CPNE8: variants seen among roughly 807,000 people sequenced by gnomAD.
CPNE8 encodes the protein copine-8.
In CPNE8, 45 loss-of-function variants were observed where a neutral mutation model predicts 81.5. The ratio of observed to expected loss-of-function variants is 0.55; its 90% CI spans 0.44 to 0.71. The LOEUF is 0.71. Ranked by LOEUF, CPNE8 falls within the 30% of genes least tolerant of loss-of-function variation. The pLI is 0.00. For synonymous variants in CPNE8, 252 were observed against 226.3 expected (o/e 1.11, Z -1.02); for missense variants, 594 against 672.1 (o/e 0.88, Z 1.28).
At position 38,762,117 on chromosome 12, in the gene CPNE8, A is replaced by G. The variant is rs761761318; in HGVS notation, c.675T>C (p.Tyr225=). ...ISVRALCNGD[Y]DRTIKVEVYD... ...GAATAAACTATCCTTCTTACCTGTCATAGTCTCCATTACATAATGCTCTGA... is the reference window on the plus strand; with the variant it reads ...GAATAAACTATCCTTCTTACCTGTCGTAGTCTCCATTACATAATGCTCTGA... Residue 225 remains tyrosine (Y), a synonymous_variant, in exon 9 of 20, where the codon TAT becomes TAC. Coordinates refer to ENST00000331366, the MANE Select transcript of CPNE8 (RefSeq NM_153634.3). 4 of 1,493,922 alleles carry G rather than the reference A, an allele frequency of 2.7e-6. No individual in the cohort carries two copies. The highest frequency in any genetic ancestry group is 1.3e-5 in the South Asian group (1 of 75,296). The allele number at this position is 1,493,922 out of a possible 1,614,324, so 92.5% of individuals were successfully genotyped here.
At chr12:38,673,759 A>C (rs1244290643) in intron 18 of CPNE8, among the ~76,000 whole-genome samples, 3 of 152,004 alleles carry the variant, frequency 2.0e-5, no homozygotes, top group African/African-American at 7.2e-5. Context: ...ACCTTTCTGC[A>C]TGGAAAGAGG....
intron 13 of CPNE8, among the ~76,000 whole-genome samples, chr12:38,703,179 T>C (rs1356806957): frequency 6.6e-6 from 1 of 152,150 alleles, no homozygotes; most frequent in African/African-American, 2.4e-5. Flanking sequence ...GTAGTTCCTA[T>C]TTTGGAGTAA....
chr12:38,793,380 A>G (rs1291214096), intron 6 of CPNE8, among the ~76,000 whole-genome samples: 5 of 151,740 alleles, frequency 3.3e-5, no homozygotes, highest in Non-Finnish European at 5.9e-5. Flanking sequence ...AACAAATTCA[A>G]ATTTGCAGGA....
At chr12:38,783,079 A>T (rs953193258) in intron 6 of CPNE8, among the ~76,000 whole-genome samples, 1 of 152,214 alleles carries the variant, frequency 6.6e-6, no homozygotes, top group African/African-American at 2.4e-5. Context: ...GTATTCTTAC[A>T]TTTTGAGAGA....
chr12:38,791,613 C>T (rs911959967), intron 6 of CPNE8, among the ~76,000 whole-genome samples: 7 of 151,386 alleles, frequency 4.6e-5, no homozygotes, highest in Admixed American at 4.0e-4. Context: ...AATGTGTTAA[C>T]AAAAGATAAT....
intron 6 of CPNE8, among the ~76,000 whole-genome samples, chr12:38,800,139 C>G (rs1256010772): frequency 8.2e-6 from 1 of 122,004 alleles, no homozygotes; most frequent in Admixed American, 8.9e-5. Context: ...GAAGCTCGAA[C>G]TGGGTGGAGC....
At chr12:38,868,827 G>A (rs1943951650) in intron 3 of CPNE8, among the ~76,000 whole-genome samples, 1 of 152,062 alleles carries the variant, frequency 6.6e-6, no homozygotes, top group Admixed American at 6.5e-5. Flanking sequence ...TTCAGTCTTT[G>A]CATTTTTTCA....
At chr12:38,802,548 A>G (rs1246965728) in intron 6 of CPNE8, among the ~76,000 whole-genome samples, 1 of 95,466 alleles carries the variant, frequency 1.0e-5, no homozygotes, top group African/African-American at 3.6e-5. Flanking sequence ...CGCCTACAAG[A>G]GAAAGCAGGA....
intron 3 of CPNE8, among the ~76,000 whole-genome samples, chr12:38,871,367 T>C (rs1943989377): frequency 6.6e-6 from 1 of 152,178 alleles, no homozygotes; most frequent in African/African-American, 2.4e-5. Context: ...GCAAAGCCAT[T>C]TTGTGGACAC....
chr12:38,808,255 A>G (rs1226056691), intron 6 of CPNE8, among the ~76,000 whole-genome samples: 1 of 152,184 alleles, frequency 6.6e-6, no homozygotes, highest in African/African-American at 2.4e-5. Context: ...ATTACTGGTT[A>G]TATACCCAAA....
At chr12:38,654,101 CA>C in intron 19 of CPNE8, 31 bp from the exon 20 acceptor site, 1 of 1,561,094 alleles carries the variant, frequency 6.4e-7, no homozygotes, top group Admixed American at 1.9e-5. Flanking sequence ...AGTTATTTCA[CA>C]GACTTTAGCA....
chr12:38,693,655 A>G lies in CPNE8; in HGVS notation c.1143+2T>C, dbSNP rs1169080127. 6.2e-7 allele frequency: 1 copy of G among 1,606,604 alleles called. No individual in the cohort carries two copies. ...CATCAAATCCTTTTGACAAATTCTT[A>G]CCAAAGCAAATTCGTGAGATATCCT... is the stretch of plus-strand genomic sequence containing the variant. On this transcript the variant is annotated splice_donor_variant, in intron 15 of 19. Transcript: ENST00000331366. LOFTEE classifies it high-confidence loss of function.
chr12:38,814,442 G>A (rs1326246127), intron 6 of CPNE8, among the ~76,000 whole-genome samples: 1 of 148,686 alleles, frequency 6.7e-6, no homozygotes, highest in Non-Finnish European at 1.5e-5. Flanking sequence ...TCAGCCTCCT[G>A]AGTAACTGGG....
chr12:38,717,456 T>TATATATATATATATATATAG (rs1215784272), intron 13 of CPNE8, among the ~76,000 whole-genome samples: 1 of 139,500 alleles, frequency 7.2e-6, no homozygotes, highest in Non-Finnish European at 1.5e-5. Flanking sequence ...TATATATATA[T>TATATATATATATATATATAG]ATACACCATG....
chr12:38,799,666 A>C (rs1267713717), intron 6 of CPNE8, among the ~76,000 whole-genome samples: 2 of 152,040 alleles, frequency 1.3e-5, no homozygotes, highest in Non-Finnish European at 2.9e-5. Flanking sequence ...AAGATGGCCG[A>C]ATAGGAACAG....
At chr12:38,717,835 A>C (rs1044474956) in intron 13 of CPNE8, among the ~76,000 whole-genome samples, 1 of 151,946 alleles carries the variant, frequency 6.6e-6, no homozygotes, top group African/African-American at 2.4e-5. Context: ...GGAAGTCAGA[A>C]AAAAAAAGTT....
intron 7 of CPNE8, among the ~76,000 whole-genome samples, chr12:38,775,303 A>G (rs999806702): frequency 1.1e-4 from 17 of 152,192 alleles, no homozygotes; most frequent in Admixed American, 1.1e-3. Context: ...TATTATGTAA[A>G]TAAAGCTACA....
intron 6 of CPNE8, among the ~76,000 whole-genome samples, chr12:38,817,054 C>CT (rs1321241349): frequency 1.3e-5 from 2 of 152,176 alleles, no homozygotes; most frequent in Non-Finnish European, 2.9e-5. Flanking sequence ...AACAGTATGT[C>CT]TAATCTCTCC....
At chr12:38,848,514 C>G in intron 4 of CPNE8, 45 bp downstream of exon 4, 1 of 1,532,790 alleles carries the variant, frequency 6.5e-7, no homozygotes, top group South Asian at 1.3e-5. Flanking sequence ...GTAATATTGT[C>G]TTTAAAATCA....
Sources: allele counts gnomAD v4.1 joint callset (sites outside exome capture counted in the v4.1 genomes callset), GRCh38; gene constraint gnomAD v4.1.1; transcripts MANE v1.5; gene names NCBI Gene and HGNC (gene_info 2026-07-23, HGNC 2026-07-21).